SWAP70: variants seen among roughly 807,000 people sequenced by gnomAD.
The protein encoded by SWAP70 is switch-associated protein 70.
In SWAP70, 34 loss-of-function variants were observed where a neutral mutation model predicts 80.2. That is an observed-to-expected ratio of 0.42 (90% CI 0.32 to 0.56). SWAP70 has a LOEUF of 0.56. Ranked by LOEUF, SWAP70 falls within the 20% of genes least tolerant of loss-of-function variation. SWAP70 has a pLI of 0.09. For missense variants in SWAP70, 578 were observed against 690.7 expected (o/e 0.84, Z 1.83); for synonymous variants, 239 against 238.5 (o/e 1.00, Z -0.02).
intron 1 of SWAP70, among the ~76,000 whole-genome samples, chr11:9,670,431 C>T (rs188797107): frequency 9.2e-5 from 14 of 152,136 alleles, no homozygotes; most frequent in African/African-American, 3.1e-4. Flanking sequence ...GTTTTGAACA[C>T]GAAAAGTTTT....
chr11:9,717,659 C>CAAAAA (rs3049795), intron 3 of SWAP70, among the ~76,000 whole-genome samples: 2 of 115,722 alleles, frequency 1.7e-5, no homozygotes, highest in Non-Finnish European at 3.6e-5. Flanking sequence ...GACCTTGTCT[C>CAAAAA]AAAAAAAAAA....
At chr11:9,691,533 CTT>C (rs377707961) in intron 1 of SWAP70, among the ~76,000 whole-genome samples, 7 of 152,190 alleles carry the variant, frequency 4.6e-5, no homozygotes, top group African/African-American at 7.2e-5. Context: ...AGGCTGAAAT[CTT>C]GAGTTCAAAT....
intron 7 of SWAP70, among the ~76,000 whole-genome samples, chr11:9,733,601 A>G (rs1021278059): frequency 2.0e-5 from 3 of 152,228 alleles, no homozygotes; most frequent in Admixed American, 6.5e-5. Context: ...AGTTATTACT[A>G]TCACACACTT....
intron 1 of SWAP70, among the ~76,000 whole-genome samples, chr11:9,669,226 T>G (rs987125109): frequency 6.6e-6 from 1 of 152,182 alleles, no homozygotes; most frequent in Non-Finnish European, 1.5e-5. Context: ...TGGGGGAAGA[T>G]TAAGCCCATT....
At chr11:9,664,363 C>G in intron 1 of SWAP70, 85 bp downstream of exon 1, 1 of 1,437,134 alleles carries the variant, frequency 7.0e-7, no homozygotes, top group Non-Finnish European at 9.4e-7. Context: ...ACCTGGCGGG[C>G]CGTGACCGCA....
At chr11:9,744,324 C>T (rs936668370) in intron 9 of SWAP70, among the ~76,000 whole-genome samples, 1 of 151,964 alleles carries the variant, frequency 6.6e-6, no homozygotes, top group Admixed American at 6.6e-5. Context: ...TTTGTGGGTA[C>T]ACAGTAGGTG....
intron 7 of SWAP70, among the ~76,000 whole-genome samples, chr11:9,735,934 T>G (rs1379817221): frequency 6.6e-6 from 1 of 152,186 alleles, no homozygotes; most frequent in Non-Finnish European, 1.5e-5. Flanking sequence ...TGGATAAGTT[T>G]TCAGCCACAA....
At chr11:9,667,410 T>C (rs1590003229) in intron 1 of SWAP70, among the ~76,000 whole-genome samples, 1 of 151,518 alleles carries the variant, frequency 6.6e-6, no homozygotes, top group African/African-American at 2.4e-5. Flanking sequence ...GCCACCATGC[T>C]CAGTTCATTT....
chr11:9,729,319 A>G (rs759531942), intron 5 of SWAP70, 24 bp from the exon 6 acceptor site: 1 of 1,440,764 alleles, frequency 6.9e-7, no homozygotes, highest in South Asian at 1.2e-5. Context: ...AATTTTGAGG[A>G]ACTAATTTTG....
At chr11:9,667,604 C>T (rs1487475849) in intron 1 of SWAP70, among the ~76,000 whole-genome samples, 2 of 152,104 alleles carry the variant, frequency 1.3e-5, no homozygotes, top group South Asian at 2.1e-4. Flanking sequence ...TTTTTGTCGC[C>T]CAGGCTGGAA....
At chr11:9,708,813 GCATAGATGGCATTCATCC>G (rs1402782143) in intron 2 of SWAP70, among the ~76,000 whole-genome samples, 13 of 152,128 alleles carry the variant, frequency 8.5e-5, no homozygotes, top group South Asian at 2.1e-4. Flanking sequence ...GAAATGTTCT[GCATAGATGGCATTCATCC>G]CATAGATGGC....
rs576489398 is a variant in SWAP70 at position 9,707,893 on chromosome 11, T to A, written c.241-5573T>A. On this transcript the variant is annotated intron_variant, in intron 2 of 11. Coordinates refer to ENST00000318950, the MANE Select transcript of SWAP70 (RefSeq NM_015055.4). ...TAAAAAATTTAAAAAAAAATTTTTTTAAACTTTAATAGTTTTGGGGGAACA... is the reference window on the plus strand; with the variant it reads ...TAAAAAATTTAAAAAAAAATTTTTTAAAACTTTAATAGTTTTGGGGGAACA... Among the ~76,000 whole-genome samples the A allele has an allele frequency of 2.6e-5, 4 of 152,272 alleles. No homozygotes were observed. In the East Asian group the frequency reaches 5.8e-4, roughly 22 times the overall value.
chr11:9,734,479 G>T (rs905274013), intron 7 of SWAP70, among the ~76,000 whole-genome samples: 6 of 152,120 alleles, frequency 3.9e-5, no homozygotes, highest in African/African-American at 7.2e-5. Flanking sequence ...CACTACCTAG[G>T]TTTATAGAAT....
chr11:9,741,741 G>C (rs1317593176), intron 9 of SWAP70: 1 of 152,020 alleles, frequency 6.6e-6, no homozygotes, highest in Non-Finnish European at 1.5e-5. Flanking sequence ...GTGATATTTT[G>C]AATAAGGGAT....
intron 1 of SWAP70, among the ~76,000 whole-genome samples, chr11:9,671,818 AAATATATAATATAAT>A (rs1420212592): frequency 9.7e-6 from 1 of 103,192 alleles, no homozygotes; most frequent in Non-Finnish European, 1.7e-5. Context: ...ATAAATATAT[AAATATATAATATAAT>A]AATATATAAT....
chr11:9,720,816 T>C (rs1851124691), intron 3 of SWAP70, among the ~76,000 whole-genome samples: 1 of 152,168 alleles, frequency 6.6e-6, no homozygotes, highest in East Asian at 1.9e-4. Context: ...CAATCTCTTC[T>C]TATTTTTTAT....
Position 9,752,310 on chromosome 11 carries a change from G to C in SWAP70, c.*2340G>C, listed in dbSNP as rs1445352963. 1 of 152,262 alleles carries C rather than the reference G, an allele frequency of 6.6e-6. No homozygotes were observed. The highest frequency in any genetic ancestry group is 1.5e-5 in the Non-Finnish European group (1 of 68,046). 9.4% of individuals were successfully genotyped at this position (152,262 alleles called of 1,614,324 possible). On this transcript the variant is annotated 3_prime_UTR_variant, in exon 12 of 12. Coordinates refer to ENST00000318950, the MANE Select transcript of SWAP70 (RefSeq NM_015055.4). ...GCTGCTCTAGCCCTGGGTTCTTGGAGACCTCACACTGCCTGGCCCCTGGCC... is the reference window on the plus strand; with the variant it reads ...GCTGCTCTAGCCCTGGGTTCTTGGACACCTCACACTGCCTGGCCCCTGGCC...
intron 7 of SWAP70, among the ~76,000 whole-genome samples, chr11:9,735,852 T>C (rs1359591031): frequency 6.6e-6 from 1 of 152,158 alleles, no homozygotes; most frequent in African/African-American, 2.4e-5. Flanking sequence ...TATGTGGGTG[T>C]AGATCTCTTT....
chr11:9,703,239 C>T (rs909133216), intron 2 of SWAP70, among the ~76,000 whole-genome samples: 4 of 152,180 alleles, frequency 2.6e-5, no homozygotes, highest in Non-Finnish European at 4.4e-5. Context: ...GGTTCATCCA[C>T]GTTGTATCCT....
Sources: gnomAD v4.1 joint callset for allele counts (sites outside exome capture counted in the v4.1 genomes callset) on GRCh38, gnomAD v4.1.1 for gene constraint, MANE v1.5 for transcripts, NCBI Gene and HGNC (gene_info 2026-07-23, HGNC 2026-07-21) for gene names.